Variants in PPARGC1A observed in about 807,000 individuals in gnomAD.
The protein encoded by PPARGC1A is PPARG coactivator 1 alpha.
In PPARGC1A, 25 loss-of-function variants were observed where a neutral mutation model predicts 88.7. The ratio of observed to expected loss-of-function variants is 0.28; its 90% CI spans 0.21 to 0.39. PPARGC1A has a LOEUF of 0.39. Among genes scored for constraint, PPARGC1A ranks in the 10% least tolerant of loss-of-function variants. The pLI is 1.00. For synonymous variants in PPARGC1A, 363 were observed against 355.6 expected (o/e 1.02, Z -0.24); for missense variants, 880 against 968.7 (o/e 0.91, Z 1.22).
At chr4:24,419,229 ACACAGGTCAGGACGC>A in the PPARGC1A span, among the ~76,000 whole-genome samples, 2 of 151,690 alleles carry the variant, frequency 1.3e-5, no homozygotes, top group Admixed American at 6.6e-5. Flanking sequence ...AGAAAAAGGC[ACACAGGTCAGGACGC>A]CATCTGTTGC....
the PPARGC1A span, among the ~76,000 whole-genome samples, chr4:24,040,803 T>C: frequency 2.5e-4 from 38 of 152,346 alleles, no homozygotes; most frequent in Middle Eastern, 3.4e-3. Flanking sequence ...CAAAATGTGC[T>C]CATATGCTAT....
chr4:24,450,720 C>T, the PPARGC1A span, among the ~76,000 whole-genome samples: 17 of 152,278 alleles, frequency 1.1e-4, no homozygotes, highest in African/African-American at 4.1e-4. Context: ...ATAAACACTG[C>T]ATATTCAGTC....
the PPARGC1A span, among the ~76,000 whole-genome samples, chr4:23,924,423 C>G: frequency 7.2e-5 from 11 of 152,042 alleles, no homozygotes; most frequent in African/African-American, 2.7e-4. Flanking sequence ...GTCAAGAGAT[C>G]GAGACCATCC....
chr4:24,312,609 G>C, the PPARGC1A span, among the ~76,000 whole-genome samples: 5 of 145,424 alleles, frequency 3.4e-5, no homozygotes, highest in Admixed American at 7.0e-5. Flanking sequence ...AATGTGGGGT[G>C]GGGGGGAAAA....
At chr4:24,251,368 A>T in the PPARGC1A span, among the ~76,000 whole-genome samples, 4 of 152,302 alleles carry the variant, frequency 2.6e-5, no homozygotes, top group African/African-American at 9.6e-5. Context: ...ATGATCTAGA[A>T]TCTTCTACAC....
chr4:24,387,840 G>GAAAGAAAGAAAGAA, the PPARGC1A span, among the ~76,000 whole-genome samples: 3 of 133,332 alleles, frequency 2.3e-5, no homozygotes, highest in Admixed American at 2.3e-4. Flanking sequence ...AAGAGAGAAA[G>GAAAGAAAGAAAGAA]AGAGAGAGAA....
chr4:24,059,728 C>G, the PPARGC1A span, among the ~76,000 whole-genome samples: 1 of 152,240 alleles, frequency 6.6e-6, no homozygotes, highest in Admixed American at 6.5e-5. Context: ...ATTCGCAATT[C>G]TGGATCCAGT....
chr4:23,987,619 T>C, the PPARGC1A span, among the ~76,000 whole-genome samples: 2 of 152,042 alleles, frequency 1.3e-5, no homozygotes, highest in African/African-American at 4.8e-5. Context: ...GTGTCTCTCC[T>C]GTATGTTTCC....
the PPARGC1A span, among the ~76,000 whole-genome samples, chr4:24,288,026 G>A: frequency 5.3e-5 from 8 of 151,994 alleles, no homozygotes; most frequent in Admixed American, 2.0e-4. Context: ...GCAACTTTGC[G>A]GGTGCCCTCC....
At chr4:23,809,750 G>T (rs993272390) in intron 10 of PPARGC1A, among the ~76,000 whole-genome samples, 13 of 152,090 alleles carry the variant, frequency 8.5e-5, no homozygotes, top group African/African-American at 3.1e-4. Flanking sequence ...ATCACACAGT[G>T]CATCTTAATA....
upstream of PPARGC1A, among the ~76,000 whole-genome samples, chr4:23,901,386 A>AAG (rs1719343087): frequency 6.7e-6 from 1 of 149,994 alleles, no homozygotes; most frequent in African/African-American, 2.4e-5. Context: ...AAAAAAAAAA[A>AAG]AAAAGTAAGT....
the PPARGC1A span, among the ~76,000 whole-genome samples, chr4:24,134,883 T>C: frequency 6.6e-6 from 1 of 152,184 alleles, no homozygotes; most frequent in Admixed American, 6.5e-5. Flanking sequence ...AGGAAATTTG[T>C]TGTCAAAAGT....
chr4:24,006,692 T>C, the PPARGC1A span, among the ~76,000 whole-genome samples: 1 of 152,176 alleles, frequency 6.6e-6, no homozygotes, highest in Non-Finnish European at 1.5e-5. Context: ...TATTGTAGCC[T>C]GCCCCTCATA....
the PPARGC1A span, among the ~76,000 whole-genome samples, chr4:24,314,075 AAAC>A: frequency 1.1e-3 from 167 of 152,352 alleles, no homozygotes; most frequent in African/African-American, 3.9e-3. Flanking sequence ...AGAACACCTA[AAAC>A]AATAGTTCAA....
intron 10 of PPARGC1A, among the ~76,000 whole-genome samples, 196 bp downstream of exon 10, chr4:23,812,551 C>T (rs1721111989): frequency 6.6e-6 from 1 of 152,106 alleles, no homozygotes; most frequent in African/African-American, 2.4e-5. Flanking sequence ...AATATACTGA[C>T]TTAAACATTT....
intron 2 of PPARGC1A, among the ~76,000 whole-genome samples, chr4:23,846,973 A>G (rs1728433843): frequency 6.6e-6 from 1 of 152,200 alleles, no homozygotes; most frequent in Admixed American, 6.5e-5. Flanking sequence ...ACAGAGTAAT[A>G]GATGCTTGTA....
chr4:24,432,248 A>T, the PPARGC1A span, among the ~76,000 whole-genome samples: 1 of 152,232 alleles, frequency 6.6e-6, no homozygotes, highest in Non-Finnish European at 1.5e-5. Flanking sequence ...TGACCTTAAT[A>T]AGCTTTGTCT....
the PPARGC1A span, among the ~76,000 whole-genome samples, chr4:24,265,908 A>G: frequency 7.4e-6 from 1 of 134,242 alleles, no homozygotes; most frequent in African/African-American, 3.1e-5. Flanking sequence ...AGGAGAGAGG[A>G]AAGGACTAAA....
chr4:23,877,820 G>C (rs1332826350), intron 2 of PPARGC1A: 1 of 152,272 alleles, frequency 6.6e-6, no homozygotes, highest in Non-Finnish European at 1.5e-5. Flanking sequence ...TTTGTGTGTT[G>C]ATTCCATCCA....
Sources: gnomAD v4.1 joint callset for allele counts (sites outside exome capture counted in the v4.1 genomes callset) on GRCh38, gnomAD v4.1.1 for gene constraint, MANE v1.5 for transcripts, NCBI Gene and HGNC (gene_info 2026-07-23, HGNC 2026-07-21) for gene names.